CADM2: variants seen among roughly 807,000 people sequenced by gnomAD.
CADM2 encodes the protein immunoglobulin superfamily member 4D.
A neutral mutation model predicts 49.8 loss-of-function variants in CADM2; 12 were observed. The observed-to-expected ratio is 0.24, with a 90% CI of 0.15 to 0.39. The LOEUF is 0.39. Ranked by LOEUF, CADM2 falls within the 10% of genes least tolerant of loss-of-function variation. CADM2 has a pLI of 1.00. For synonymous variants in CADM2, 214 were observed against 175.4 expected (o/e 1.22, Z -1.74); for missense variants, 378 against 492.3 (o/e 0.77, Z 2.20).
At chr3:85,657,769 TATATATAC>T (rs1202863536) in intron 1 of CADM2, among the ~76,000 whole-genome samples, 26 of 120,156 alleles carry the variant, frequency 2.2e-4, no homozygotes, top group African/African-American at 3.1e-4. Flanking sequence ...CAGATATATA[TATATATAC>T]ATATACATGT....
At chr3:85,364,911 A>G (rs2107294325) in intron 1 of CADM2, among the ~76,000 whole-genome samples, 1 of 151,198 alleles carries the variant, frequency 6.6e-6, no homozygotes, top group African/African-American at 2.4e-5. Context: ...ACAACAATAA[A>G]CTAGAAGAAA....
chr3:85,728,495 A>AT (rs1434931634), intron 2 of CADM2, among the ~76,000 whole-genome samples: 3 of 152,112 alleles, frequency 2.0e-5, no homozygotes, highest in African/African-American at 7.2e-5. Flanking sequence ...TTACTCAGTG[A>AT]TTTTTTGGTC....
At chr3:85,357,493 C>T (rs553918702) in intron 1 of CADM2, among the ~76,000 whole-genome samples, 174 of 152,156 alleles carry the variant, frequency 1.1e-3, no homozygotes, top group African/African-American at 4.1e-3. Flanking sequence ...ATAGCTAGTA[C>T]TTTAAATATA....
At chr3:85,153,535 C>T (rs572027607) in intron 1 of CADM2, among the ~76,000 whole-genome samples, 2 of 152,304 alleles carry the variant, frequency 1.3e-5, no homozygotes, top group African/African-American at 2.4e-5. Flanking sequence ...ATTGCCCAGG[C>T]TTGCTTAGGT....
chr3:85,519,918 G>A (rs1992967), intron 1 of CADM2, among the ~76,000 whole-genome samples: 90,417 of 151,730 alleles, frequency 0.6, 28,384 homozygotes, highest in East Asian at 0.93. Flanking sequence ...GCTTGATGAG[G>A]AAAGATTCCA....
intron 1 of CADM2, among the ~76,000 whole-genome samples, chr3:85,256,605 T>C (rs2042891233): frequency 6.6e-6 from 1 of 152,128 alleles, no homozygotes; most frequent in African/African-American, 2.4e-5. Flanking sequence ...TATTTAATTA[T>C]TATCTTCACT....
Position 85,022,106 on chromosome 3 carries a change from G to A in CADM2, c.61+62438G>A, listed in dbSNP as rs1165034710. Among the ~76,000 whole-genome samples, 6 of 152,272 alleles carry A rather than the reference G, an allele frequency of 3.9e-5. No individual in the cohort carries two copies. The South Asian group carries it at 8.3e-4, about 21-fold the overall frequency. ...ATGGCTTAAGAGCCAGGGGCTCATA[G>A]ATATTAGACAAAAAGAAGAGGGGAC... On this transcript the variant is annotated intron_variant, in intron 1 of 9. Coordinates refer to ENST00000383699, the MANE Select transcript of CADM2 (RefSeq NM_001167675.2).
Position 85,982,108 on chromosome 3 carries a change from A to T in CADM2, c.970+20461A>T, listed in dbSNP as rs141118500. 2.1e-3 allele frequency among the ~76,000 whole-genome samples: 322 copies of T among 151,816 alleles called. 1 individual carries two copies. The highest frequency in any genetic ancestry group is 7.5e-3 in the African/African-American group (312 of 41,484). On this transcript the variant is annotated intron_variant, in intron 8 of 9. Transcript: ENST00000383699. ...ATTTGTGTTTCTCTAATGATTAGTG[A>T]TGTTGAGCATTTTTTCATATGCTTG...
chr3:85,228,394 C>A (rs908241951), intron 1 of CADM2, among the ~76,000 whole-genome samples: 4 of 151,414 alleles, frequency 2.6e-5, no homozygotes, highest in African/African-American at 9.7e-5. Flanking sequence ...TCACTGATAA[C>A]CCTTCTTCTG....
At chr3:85,969,294 A>T (rs767734787) in intron 8 of CADM2, among the ~76,000 whole-genome samples, 14 of 151,408 alleles carry the variant, frequency 9.2e-5, no homozygotes, top group Non-Finnish European at 1.9e-4. Context: ...GGCATCTCTC[A>T]TCACTCTTCA....
chr3:85,415,806 G>A (rs891303838), intron 1 of CADM2, among the ~76,000 whole-genome samples: 1 of 152,086 alleles, frequency 6.6e-6, no homozygotes, highest in Non-Finnish European at 1.5e-5. Flanking sequence ...TAGGATCAAA[G>A]CTTGTAAGGG....
At chr3:85,096,498 G>C (rs1479235686) in intron 1 of CADM2, among the ~76,000 whole-genome samples, 19 of 151,828 alleles carry the variant, frequency 1.3e-4, no homozygotes, top group Admixed American at 1.2e-3. Context: ...ATTTATTCTA[G>C]AATATCAGGT....
chr3:86,039,381 A>C (rs1354425380), intron 8 of CADM2, among the ~76,000 whole-genome samples: 1 of 152,162 alleles, frequency 6.6e-6, no homozygotes, highest in Non-Finnish European at 1.5e-5. Flanking sequence ...GGTCACTCTC[A>C]CCCTAATACT....
At chr3:85,565,551 C>A (rs999706377) in intron 1 of CADM2, among the ~76,000 whole-genome samples, 3 of 152,032 alleles carry the variant, frequency 2.0e-5, no homozygotes, top group Non-Finnish European at 4.4e-5. Context: ...TGTAGGCCAA[C>A]TTTTCCACCA....
At chr3:85,357,897 G>A (rs1021227826) in intron 1 of CADM2, among the ~76,000 whole-genome samples, 1 of 152,180 alleles carries the variant, frequency 6.6e-6, no homozygotes, top group East Asian at 1.9e-4. Flanking sequence ...GCTAACCAGG[G>A]AGAGACCTCT....
chr3:85,132,471 C>T (rs2039264750), intron 1 of CADM2, among the ~76,000 whole-genome samples: 1 of 152,162 alleles, frequency 6.6e-6, no homozygotes, highest in Non-Finnish European at 1.5e-5. Flanking sequence ...TAACAGATTC[C>T]ATTTACAAAA....
chr3:85,810,683 A>T (rs2072813362), intron 3 of CADM2, among the ~76,000 whole-genome samples: 1 of 151,186 alleles, frequency 6.6e-6, no homozygotes, highest in Non-Finnish European at 1.5e-5. Flanking sequence ...GGAACTATAC[A>T]TGTGCACCAC....
At chr3:85,792,740 AATG>A (rs1183648673) in intron 2 of CADM2, among the ~76,000 whole-genome samples, 1 of 152,228 alleles carries the variant, frequency 6.6e-6, no homozygotes, top group African/African-American at 2.4e-5. Context: ...GCAAGGCTTG[AATG>A]ATGTTATTTT....
chr3:85,556,035 C>A (rs1312245793), intron 1 of CADM2, among the ~76,000 whole-genome samples: 1 of 151,926 alleles, frequency 6.6e-6, no homozygotes, highest in Non-Finnish European at 1.5e-5. Context: ...GGCATTGACC[C>A]CCATGTAGTT....
Sources: allele counts gnomAD v4.1 joint callset (sites outside exome capture counted in the v4.1 genomes callset), GRCh38; gene constraint gnomAD v4.1.1; transcripts MANE v1.5; gene names NCBI Gene and HGNC (gene_info 2026-07-23, HGNC 2026-07-21).